Variants in IFNAR1 observed in about 807,000 individuals in gnomAD.
IFNAR1 encodes the protein interferon alpha/beta receptor 1.
A neutral mutation model predicts 62.1 loss-of-function variants in IFNAR1; 47 were observed. The observed-to-expected ratio is 0.76, with a 90% CI of 0.60 to 0.97. The LOEUF is 0.97. Ranked by LOEUF, IFNAR1 falls within the 50% of genes least tolerant of loss-of-function variation. The pLI, the probability that IFNAR1 is intolerant of heterozygous loss-of-function variation, is 0.00. For missense variants in IFNAR1, 638 were observed against 654.5 expected, an observed-to-expected ratio of 0.97 and a Z score of 0.27; for synonymous variants, 219 against 226.9, an observed-to-expected ratio of 0.97 and a Z score of 0.31.
intron 1 of IFNAR1, among the ~76,000 whole-genome samples, chr21:33,334,036 T>C (rs1469360494): frequency 1.3e-5 from 2 of 152,176 alleles, no homozygotes; most frequent in African/African-American, 2.4e-5. Flanking sequence ...GCTATACTTA[T>C]GTCAGATTAA....
rs896906053 is a variant in IFNAR1, at chr21:33,359,806, T to A, written c.*4257T>A. The stretch of plus-strand genomic sequence containing the variant: ...AAGGACACAAATAATAAATAAATCA[T>A]CCCTAATGCCCAAGAAATGCCCTGG... On this transcript the variant is annotated 3_prime_UTR_variant, in exon 11 of 11. Transcript: ENST00000270139. 6 of 152,054 alleles carry A rather than the reference T, an allele frequency of 3.9e-5. No individual in the cohort carries two copies. Among genetic ancestry groups the A allele is most frequent in the African/African-American group, 4.8e-5 (2 of 41,392 alleles). The allele number at this position is 152,054 out of a possible 1,614,324, so 9.4% of individuals were successfully genotyped here.
intron 8 of IFNAR1, among the ~76,000 whole-genome samples, chr21:33,350,325 G>A (rs1046715741): frequency 1.3e-5 from 2 of 151,312 alleles, no homozygotes; most frequent in African/African-American, 4.9e-5. Context: ...CTCCTCCAAG[G>A]GGACAAAAAT....
At chr21:33,334,053 A>C (rs988318799) in intron 1 of IFNAR1, among the ~76,000 whole-genome samples, 1 of 152,202 alleles carries the variant, frequency 6.6e-6, no homozygotes, top group African/African-American at 2.4e-5. Flanking sequence ...TTAAACAGAC[A>C]TTAAGTCAAA....
chr21:33,328,554 T>C lies in IFNAR1; in HGVS notation c.76+3423T>C, dbSNP rs147343543. On this transcript the variant is annotated intron_variant, in intron 1 of 10. Coordinates refer to ENST00000270139, the MANE Select transcript of IFNAR1 (RefSeq NM_000629.3). ...CATGTTGAAAACTCAAGACCTTAAGTTTACAGCTCAAGCTGATCCTGAAAG... is the reference window on the plus strand; with the variant it reads ...CATGTTGAAAACTCAAGACCTTAAGCTTACAGCTCAAGCTGATCCTGAAAG... 4.5e-3 allele frequency among the ~76,000 whole-genome samples: 693 copies of C among 152,330 alleles called. 2 individuals are homozygous for C. The highest frequency in any genetic ancestry group is 7.5e-3 in the Non-Finnish European group (510 of 68,032).
At chr21:33,339,641 G>T (rs1455315673) in intron 2 of IFNAR1, among the ~76,000 whole-genome samples, 3 of 152,066 alleles carry the variant, frequency 2.0e-5, no homozygotes, top group Non-Finnish European at 4.4e-5. Context: ...TGCTAAATTG[G>T]CCGGGCATGG....
chr21:33,349,999 GTTA>G (rs2123263843), intron 8 of IFNAR1, among the ~76,000 whole-genome samples: 1 of 151,844 alleles, frequency 6.6e-6, no homozygotes, highest in South Asian at 2.1e-4. Context: ...GCACTGTAGA[GTTA>G]TGGGTGAGCT....
At chr21:33,344,951 C>A (rs563492635) in intron 5 of IFNAR1, among the ~76,000 whole-genome samples, 1 of 152,052 alleles carries the variant, frequency 6.6e-6, no homozygotes, top group East Asian at 1.9e-4. Context: ...TCATGCCTGG[C>A]TAATTTTTGT....
chr21:33,344,991 T>A (rs2083331842), intron 5 of IFNAR1, among the ~76,000 whole-genome samples: 1 of 152,114 alleles, frequency 6.6e-6, no homozygotes, highest in Non-Finnish European at 1.5e-5. Flanking sequence ...TTTCACCATG[T>A]TGGCCAGGCG....
rs368839262 is a variant in IFNAR1 at position 33,342,671 on chromosome 21, T to C, written c.377-597T>C. On this transcript the variant is annotated intron_variant, in intron 3 of 10. Coordinates refer to ENST00000270139, the MANE Select transcript of IFNAR1 (RefSeq NM_000629.3). ...CATCCTGGCTAACACGGTGAAACCCTGTCTCTACTAAAAATACAAAAAAAA... is the reference window on the plus strand; with the variant it reads ...CATCCTGGCTAACACGGTGAAACCCCGTCTCTACTAAAAATACAAAAAAAA... Among the ~76,000 whole-genome samples, 617 of 142,516 alleles carry C rather than the reference T, an allele frequency of 4.3e-3. 2 individuals are homozygous for C. Among genetic ancestry groups the C allele is most frequent in the Non-Finnish European group, 6.0e-3 (399 of 65,956 alleles). The allele number at this position is 142,516 out of a possible 152,430, so 93.5% of individuals were successfully genotyped here. A position where few individuals can be genotyped will look rare whatever the true frequency, so the allele number is the denominator to read the frequency against.
intron 2 of IFNAR1, among the ~76,000 whole-genome samples, chr21:33,338,436 A>G (rs1459114885): frequency 6.7e-6 from 1 of 150,190 alleles, no homozygotes; most frequent in Non-Finnish European, 1.5e-5. Flanking sequence ...TGGGAGGCTG[A>G]GGCAGGAGAA....
chr21:33,328,937 T>G (rs913648260), intron 1 of IFNAR1, among the ~76,000 whole-genome samples: 1 of 152,110 alleles, frequency 6.6e-6, no homozygotes, highest in African/African-American at 2.4e-5. Flanking sequence ...TATTGTATGT[T>G]AATGTTACAT....
chr21:33,338,989 C>G (rs893249145), intron 2 of IFNAR1, among the ~76,000 whole-genome samples: 1 of 151,908 alleles, frequency 6.6e-6, no homozygotes, highest in Non-Finnish European at 1.5e-5. Flanking sequence ...TGATCCACCC[C>G]CCTCGGCCTC....
In IFNAR1 at chr21:33,356,926, C is replaced by T. The variant is rs867339124; in HGVS notation, c.*1377C>T. 6 of 152,258 alleles carry T rather than the reference C, an allele frequency of 3.9e-5. No homozygotes were observed. In the East Asian group the frequency reaches 7.7e-4, roughly 20 times the overall value. The allele number at this position is 152,258 out of a possible 1,614,324, so 9.4% of individuals were successfully genotyped here. On this transcript the variant is annotated 3_prime_UTR_variant, in exon 11 of 11. Coordinates refer to ENST00000270139, the MANE Select transcript of IFNAR1 (RefSeq NM_000629.3). ...CACTTTGAATGCCAGGCTGGCTTCT[C>T]GTCTAGCAGTATTCAGATACCCCTT...
chr21:33,353,052 T>G (rs942262328), intron 9 of IFNAR1, 144 bp downstream of exon 9: 1 of 521,738 alleles, frequency 1.9e-6, no homozygotes, highest in Non-Finnish European at 3.2e-6. Context: ...ACTACATGAA[T>G]CAAAAGTAGA....
In IFNAR1 at chr21:33,326,142, T is replaced by C. The variant is rs2083124302; in HGVS notation, c.76+1011T>C. Among the ~76,000 whole-genome samples the C allele has an allele frequency of 2.0e-5, 3 of 152,104 alleles. No homozygotes were observed. In the South Asian group the frequency reaches 6.2e-4, roughly 32 times the overall value. On this transcript the variant is annotated intron_variant, in intron 1 of 10. Coordinates refer to ENST00000270139, the MANE Select transcript of IFNAR1 (RefSeq NM_000629.3). ...ATAAAAATAGTCATACTTTTTAAAC[T>C]AGTAAATGCAATTCTAGGACCCAAG...
rs112571992 is a variant in IFNAR1, at chr21:33,349,403, C to T, written c.1003C>T (p.Pro335Ser). ...ATTTTTTCTAGCTTTCCTACTTCCT[C>T]CAGTCTTTAACATTAGATCCCTTAG... Reference protein sequence around the residue: ...DTEIQAFLLPPVFNIRSLSDS... With the variant: ...DTEIQAFLLPSVFNIRSLSDS... Residue 335 changes from proline (P) to serine (S), a missense_variant, in exon 8 of 11, where the codon CCA (proline) becomes TCA (serine). By Grantham distance (74) the Pro-to-Ser change is moderately conservative. Transcript: ENST00000270139. The T allele has an allele frequency of 6.3e-7, 1 of 1,593,276 alleles. No individual in the cohort carries two copies. The highest frequency in any genetic ancestry group is 1.2e-5 in the South Asian group (1 of 86,248).
At position 33,341,152 on chromosome 21, in the gene IFNAR1, C is replaced by T. The variant is rs1192080584; in HGVS notation, c.354C>T (p.Asp118=). ...KENTSSWYEV[D]SFTPFRKAQI... ...ACACTTCTTCATGGTATGAGGTTGACTCATTTACACCATTTCGCAAAGGTA... is the reference window on the plus strand; with the variant it reads ...ACACTTCTTCATGGTATGAGGTTGATTCATTTACACCATTTCGCAAAGGTA... The change falls in exon 3 of 11, where the codon GAC becomes GAT. Residue 118 remains aspartate (D), a synonymous_variant. Coordinates refer to ENST00000270139, the MANE Select transcript of IFNAR1 (RefSeq NM_000629.3). 3 of 1,610,814 alleles carry T rather than the reference C, an allele frequency of 1.9e-6. No homozygotes were observed. Among genetic ancestry groups the T allele is most frequent in the Admixed American group, 3.4e-5 (2 of 59,294 alleles).
rs200926134 is a variant in IFNAR1, at chr21:33,345,336, T to A, written c.764T>A (p.Met255Lys). ...AAATGGGATTATACATATGCAAACA[T>A]GACCTTTCAAGTTCAGTGGCTCCAG... ...VLKWDYTYAN[M>K]TFQVQWLHAF... Residue 255 changes from methionine (M) to lysine (K), a missense_variant, in exon 6 of 11, where the codon ATG becomes AAG. Coordinates refer to ENST00000270139, the MANE Select transcript of IFNAR1 (RefSeq NM_000629.3). The A allele has an allele frequency of 2.5e-6, 4 of 1,595,344 alleles. No homozygotes were observed. Among genetic ancestry groups the A allele is most frequent in the Non-Finnish European group, 2.6e-6 (3 of 1,163,372 alleles).
intron 6 of IFNAR1, among the ~76,000 whole-genome samples, chr21:33,347,774 C>T (rs17875825): frequency 9.2e-5 from 14 of 152,178 alleles, no homozygotes; most frequent in African/African-American, 3.1e-4. Context: ...AGGATGTGTA[C>T]ACCAGGGGGC....
Sources: gnomAD v4.1 joint callset for allele counts (sites outside exome capture counted in the v4.1 genomes callset) on GRCh38, gnomAD v4.1.1 for gene constraint, MANE v1.5 for transcripts, NCBI Gene and HGNC (gene_info 2026-07-23, HGNC 2026-07-21) for gene names.